The following CMIP variants were observed in gnomAD, a reference collection of about 807,000 sequenced individuals.
CMIP encodes C-Maf-inducing protein.
In CMIP, 13 loss-of-function variants were observed where a neutral mutation model predicts 97.3. The observed-to-expected ratio is 0.13, with a 90% CI of 0.09 to 0.21. CMIP has a LOEUF of 0.21. CMIP is among the 10% of genes least tolerant of loss of function. The probability of loss-of-function intolerance (pLI) is 1.00; values close to 1 mark genes in which losing one functional copy is unlikely to be tolerated. For synonymous variants in CMIP, 538 were observed against 436.3 expected, an observed-to-expected ratio of 1.23 and a Z score of -2.91; for missense variants, 847 against 1,024.9, an observed-to-expected ratio of 0.83 and a Z score of 2.37.
intron 2 of CMIP, among the ~76,000 whole-genome samples, chr16:81,612,052 C>T (rs1338300550): frequency 6.6e-6 from 1 of 152,200 alleles, no homozygotes; most frequent in African/African-American, 2.4e-5. Context: ...CCATTTCCTC[C>T]ATTGATGCCC....
chr16:81,563,754 G>C (rs755728726), intron 1 of CMIP, among the ~76,000 whole-genome samples: 1 of 152,196 alleles, frequency 6.6e-6, no homozygotes, highest in Non-Finnish European at 1.5e-5. Context: ...GGGGCTTCAT[G>C]GTGCAGAGGT....
At chr16:81,686,316 GCATAAAGGGGTCTC>G (rs1267669978) in intron 10 of CMIP, among the ~76,000 whole-genome samples, 2 of 152,194 alleles carry the variant, frequency 1.3e-5, no homozygotes, top group Non-Finnish European at 2.9e-5. Flanking sequence ...GAATACGGGG[GCATAAAGGGGTCTC>G]CATGTCCTGA....
chr16:81,447,857 G>C (rs1206487038), intron 1 of CMIP, among the ~76,000 whole-genome samples: 1 of 152,194 alleles, frequency 6.6e-6, no homozygotes, highest in African/African-American at 2.4e-5. Context: ...GGCCTCCCGG[G>C]TAGAGGTGAG....
chr16:81,588,672 C>T (rs1390146567), intron 1 of CMIP, among the ~76,000 whole-genome samples: 1 of 152,166 alleles, frequency 6.6e-6, no homozygotes, highest in African/African-American at 2.4e-5. Flanking sequence ...ACTTAACATC[C>T]TGTGTATTTC....
intron 1 of CMIP, chr16:81,475,999 A>G (rs945539316): frequency 5.2e-6 from 3 of 573,602 alleles, no homozygotes; most frequent in Non-Finnish European, 9.6e-6. Context: ...AAAAAAAAAA[A>G]AAAGATAAAA....
chr16:81,547,188 C>G (rs982273907), intron 1 of CMIP, among the ~76,000 whole-genome samples: 1 of 152,078 alleles, frequency 6.6e-6, no homozygotes, highest in Admixed American at 6.5e-5. Context: ...GATAGCATAT[C>G]TGGTAGAGGG....
intron 1 of CMIP, among the ~76,000 whole-genome samples, chr16:81,560,572 G>T (rs2090863000): frequency 1.3e-5 from 2 of 152,134 alleles, no homozygotes; most frequent in Non-Finnish European, 2.9e-5. Context: ...TGTTTATGAA[G>T]TCTGCAGTAG....
chr16:81,694,544 T>G (rs1477495156), intron 13 of CMIP, among the ~76,000 whole-genome samples: 1 of 152,094 alleles, frequency 6.6e-6, no homozygotes, highest in Admixed American at 6.5e-5. Context: ...CCATGGCAGG[T>G]CTCTCTGACT....
At chr16:81,581,322 G>C (rs1018675276) in intron 1 of CMIP, among the ~76,000 whole-genome samples, 1 of 152,140 alleles carries the variant, frequency 6.6e-6, no homozygotes, top group East Asian at 1.9e-4. Context: ...GTCACTGAGC[G>C]AACATCCTGG....
chr16:81,638,501 C>A (rs779477130), intron 3 of CMIP, among the ~76,000 whole-genome samples: 8 of 152,074 alleles, frequency 5.3e-5, no homozygotes, highest in African/African-American at 1.9e-4. Flanking sequence ...CCCTGAGAAA[C>A]TGGTCGTATC....
chr16:81,622,466 G>C (rs1017494025), intron 3 of CMIP, among the ~76,000 whole-genome samples: 1 of 152,154 alleles, frequency 6.6e-6, no homozygotes, highest in African/African-American at 2.4e-5. Flanking sequence ...ACCGTCTGGG[G>C]GTCAGATGCC....
chr16:81,542,220 T>C (rs2090462413), intron 1 of CMIP, among the ~76,000 whole-genome samples: 1 of 152,192 alleles, frequency 6.6e-6, no homozygotes, highest in African/African-American at 2.4e-5. Flanking sequence ...GATTTTGAAG[T>C]TGAAGACTCC....
chr16:81,606,463 G>A (rs1413599785), intron 1 of CMIP, among the ~76,000 whole-genome samples: 1 of 152,170 alleles, frequency 6.6e-6, no homozygotes, highest in Non-Finnish European at 1.5e-5. Flanking sequence ...TTGGCTCCTG[G>A]TGGCCATTGT....
At chr16:81,557,900 TTTTC>T (rs2090797704) in intron 1 of CMIP, among the ~76,000 whole-genome samples, 1 of 152,208 alleles carries the variant, frequency 6.6e-6, no homozygotes, top group Non-Finnish European at 1.5e-5. Context: ...TTCAGAACTC[TTTTC>T]ATCTTATCAG....
At chr16:81,546,029 G>A (rs970867842) in intron 1 of CMIP, among the ~76,000 whole-genome samples, 9 of 152,244 alleles carry the variant, frequency 5.9e-5, no homozygotes, top group Non-Finnish European at 1.2e-4. Context: ...AATGGCGCTC[G>A]CTGTGAATAG....
At chr16:81,632,979 G>A (rs1032724345) in intron 3 of CMIP, among the ~76,000 whole-genome samples, 3 of 152,076 alleles carry the variant, frequency 2.0e-5, no homozygotes, top group Admixed American at 6.5e-5. Flanking sequence ...GGTTGTCATC[G>A]TTTCTTTGGG....
Position 81,703,922 on chromosome 16 carries a change from C to G in CMIP, c.1945-17C>G, listed in dbSNP as rs372578516. 1.5e-5 allele frequency: 23 copies of G among 1,585,530 alleles called. 1 individual carries two copies. In the African/African-American group the frequency reaches 3.0e-4, roughly 20 times the overall value. Reference sequence around the variant, plus strand: ...CTCCCAGCAGCACCCTCAGGCCTCTCCCCCGTCTGCCCGCAGGACGCTGAC... The same window carrying G: ...CTCCCAGCAGCACCCTCAGGCCTCTGCCCCGTCTGCCCGCAGGACGCTGAC... On this transcript the variant is annotated splice_polypyrimidine_tract_variant and intron_variant, in intron 17 of 20. Coordinates refer to ENST00000537098, the MANE Select transcript of CMIP (RefSeq NM_198390.3).
At chr16:81,529,020 A>T (rs1337536476) in intron 1 of CMIP, among the ~76,000 whole-genome samples, 8 of 151,980 alleles carry the variant, frequency 5.3e-5, no homozygotes, top group Admixed American at 5.2e-4. Context: ...TCACTTACTG[A>T]TGGCTTTACC....
intron 1 of CMIP, among the ~76,000 whole-genome samples, chr16:81,468,556 G>C (rs181608029): frequency 6.6e-6 from 1 of 152,404 alleles, no homozygotes; most frequent in East Asian, 1.9e-4. Flanking sequence ...TCATTCAGCA[G>C]TTAGGCATCG....
Sources: allele counts gnomAD v4.1 joint callset (sites outside exome capture counted in the v4.1 genomes callset), GRCh38; gene constraint gnomAD v4.1.1; transcripts MANE v1.5; gene names NCBI Gene and HGNC (gene_info 2026-07-23, HGNC 2026-07-21).